EXOC4: variants seen among roughly 807,000 people sequenced by gnomAD.
EXOC4 encodes exocyst complex component 4, also known as SEC8-like 1.
A neutral mutation model predicts 107.2 loss-of-function variants in EXOC4; 71 were observed. The ratio of observed to expected loss-of-function variants is 0.66; its 90% CI spans 0.55 to 0.81. The LOEUF is 0.81. Among genes scored for constraint, EXOC4 ranks in the 30% least tolerant of loss-of-function variants. The pLI is 0.00. For missense variants in EXOC4, 1,108 were observed against 1,189.6 expected (o/e 0.93, Z 1.01); for synonymous variants, 456 against 441.2 (o/e 1.03, Z -0.42).
At chr7:134,025,550 G>A (rs971964947) in intron 17 of EXOC4, among the ~76,000 whole-genome samples, 1 of 152,220 alleles carries the variant, frequency 6.6e-6, no homozygotes, top group Non-Finnish European at 1.5e-5. Flanking sequence ...TGGCTGCAGT[G>A]GGATGGCAGC....
chr7:133,296,637 T>C (rs1351559216), intron 3 of EXOC4, among the ~76,000 whole-genome samples: 1 of 152,120 alleles, frequency 6.6e-6, no homozygotes, highest in East Asian at 1.9e-4. Flanking sequence ...TTTTGAAGGC[T>C]GGGGTTTTTA....
intron 10 of EXOC4, among the ~76,000 whole-genome samples, chr7:133,767,530 C>G (rs1796164136): frequency 6.6e-6 from 1 of 151,912 alleles, no homozygotes; most frequent in Non-Finnish European, 1.5e-5. Context: ...GTCATATTCT[C>G]ACACTCTTAT....
chr7:133,979,348 T>G (rs1249039917), intron 14 of EXOC4, among the ~76,000 whole-genome samples: 1 of 152,078 alleles, frequency 6.6e-6, no homozygotes, highest in East Asian at 1.9e-4. Flanking sequence ...TCCCTTCTCA[T>G]AGTGCCTCTT....
intron 9 of EXOC4, chr7:133,483,919 A>G: frequency 1.0e-6 from 1 of 976,600 alleles, no homozygotes; most frequent in South Asian, 1.3e-5. Context: ...ATAATTGAAT[A>G]GTTCAGTCAA....
intron 11 of EXOC4, among the ~76,000 whole-genome samples, 174 bp downstream of exon 11, chr7:133,817,718 G>A (rs559423838): frequency 6.6e-6 from 1 of 151,982 alleles, no homozygotes; most frequent in East Asian, 1.9e-4. Context: ...GATAATGGAA[G>A]TTCCTTAAGA....
At position 133,867,323 on chromosome 7, in the gene EXOC4, A is replaced by C. The variant is rs942528235; in HGVS notation, c.1735-28276A>C. 7.2e-5 allele frequency among the ~76,000 whole-genome samples: 11 copies of C among 152,388 alleles called. No homozygotes were observed. In the East Asian group the frequency reaches 2.1e-3, roughly 29 times the overall value. Reference sequence around the variant, plus strand: ...ATTAGTATGTAAATTTGTAACTTGCATATTACTATGAACACTTTTAAACAC... The same window carrying C: ...ATTAGTATGTAAATTTGTAACTTGCCTATTACTATGAACACTTTTAAACAC... On this transcript the variant is annotated intron_variant, in intron 11 of 17. Coordinates refer to ENST00000253861, the MANE Select transcript of EXOC4 (RefSeq NM_021807.4).
At chr7:134,070,807 T>G (rs1227038754), downstream of EXOC4, among the ~76,000 whole-genome samples, 1 of 151,228 alleles carries the variant, frequency 6.6e-6, no homozygotes, top group Non-Finnish European at 1.5e-5. Flanking sequence ...AACTTAGGTG[T>G]TTTCGGGTGA....
intron 4 of EXOC4, among the ~76,000 whole-genome samples, chr7:133,312,112 A>G (rs530181069): frequency 1.3e-5 from 2 of 152,306 alleles, no homozygotes; most frequent in African/African-American, 4.8e-5. Flanking sequence ...CAAGATATTC[A>G]TTGTGACATT....
At chr7:133,674,931 T>G (rs1794023619) in intron 10 of EXOC4, among the ~76,000 whole-genome samples, 1 of 152,144 alleles carries the variant, frequency 6.6e-6, no homozygotes, top group Non-Finnish European at 1.5e-5. Flanking sequence ...GTGCTTAACA[T>G]TGTGCTCACT....
At position 134,035,791 on chromosome 7, in the gene EXOC4, T is replaced by C. The variant is rs146780492; in HGVS notation, c.2687+27956T>C. On this transcript the variant is annotated intron_variant, in intron 17 of 17. Coordinates refer to ENST00000253861, the MANE Select transcript of EXOC4 (RefSeq NM_021807.4). ...TCATCCTCTGAAGCTACTCCTGTGG[T>C]ACAGGGTTGCCTGCTGAGTTTCCAG... Among the ~76,000 whole-genome samples, 469 of 152,302 alleles carry C rather than the reference T, an allele frequency of 3.1e-3. 3 individuals are homozygous for C. The highest frequency in any genetic ancestry group is 0.011 in the African/African-American group (445 of 41,556).
At chr7:133,395,500 A>C (rs533046719) in intron 7 of EXOC4, among the ~76,000 whole-genome samples, 12 of 152,112 alleles carry the variant, frequency 7.9e-5, no homozygotes, top group Non-Finnish European at 1.6e-4. Context: ...ATCTGTGGCC[A>C]GCTGGGATGC....
intron 3 of EXOC4, among the ~76,000 whole-genome samples, chr7:133,291,765 G>A (rs1375452163): frequency 2.0e-5 from 3 of 151,972 alleles, no homozygotes; most frequent in African/African-American, 2.4e-5. Flanking sequence ...TCTTTAACCC[G>A]TCGAAAGTCC....
At chr7:134,000,566 G>T (rs1259626656) in intron 15 of EXOC4, among the ~76,000 whole-genome samples, 1 of 152,118 alleles carries the variant, frequency 6.6e-6, no homozygotes, top group Non-Finnish European at 1.5e-5. Flanking sequence ...TGTCTTTAAA[G>T]AAAATGAATT....
chr7:133,667,378 A>C (rs1300590430), intron 10 of EXOC4, among the ~76,000 whole-genome samples: 1 of 152,196 alleles, frequency 6.6e-6, no homozygotes, highest in Non-Finnish European at 1.5e-5. Context: ...AAGCTTCCCA[A>C]CACCTCAGTG....
intron 9 of EXOC4, among the ~76,000 whole-genome samples, chr7:133,604,873 G>A (rs1801902283): frequency 6.6e-6 from 1 of 151,372 alleles, no homozygotes. Context: ...GCAAGCATGT[G>A]CCACCACACC....
intron 9 of EXOC4, among the ~76,000 whole-genome samples, chr7:133,570,667 G>A (rs568892573): frequency 6.6e-6 from 1 of 152,252 alleles, no homozygotes; most frequent in South Asian, 2.1e-4. Context: ...AATATCCAAG[G>A]TCACACATGT....
rs766931745 is a variant in EXOC4 at position 133,306,047 on chromosome 7, A to G, written c.642A>G (p.Glu214=). 1.9e-6 allele frequency: 3 copies of G among 1,611,192 alleles called. No individual in the cohort carries two copies. In the South Asian group the frequency reaches 3.3e-5, roughly 18 times the overall value. The change falls in exon 4 of 18, where the codon GAA becomes GAG. Residue 214 remains glutamate (E), a synonymous_variant. Coordinates refer to ENST00000253861, the MANE Select transcript of EXOC4 (RefSeq NM_021807.4). ...GCCGAGTTGTGCAGCGTAACAAGGA[A>G]AAAGGGAAAATCAGGTTAAAGAGGC... is the stretch of plus-strand genomic sequence containing the variant. ...STSRVVQRNK[E]KGKISSLVKD...
chr7:133,698,925 G>A (rs1394115926), intron 10 of EXOC4, among the ~76,000 whole-genome samples: 1 of 150,534 alleles, frequency 6.6e-6, no homozygotes, highest in Non-Finnish European at 1.5e-5. Flanking sequence ...AAATAGGCAT[G>A]TGCTTTGCAA....
intron 11 of EXOC4, among the ~76,000 whole-genome samples, chr7:133,824,135 T>C (rs902957839): frequency 1.3e-5 from 2 of 150,814 alleles, no homozygotes; most frequent in Non-Finnish European, 2.9e-5. Context: ...CCCTATAAAA[T>C]GGGAATCATA....
Sources: allele counts gnomAD v4.1 joint callset (sites outside exome capture counted in the v4.1 genomes callset), GRCh38; gene constraint gnomAD v4.1.1; transcripts MANE v1.5; gene names NCBI Gene and HGNC (gene_info 2026-07-23, HGNC 2026-07-21).